Variants in SFXN5 observed in about 807,000 individuals in gnomAD.
SFXN5 encodes the protein sideroflexin-5.
In SFXN5, 43 loss-of-function variants were observed where a neutral mutation model predicts 50.2. The ratio of observed to expected loss-of-function variants is 0.86; its 90% CI spans 0.67 to 1.11. The LOEUF (loss-of-function observed/expected upper bound fraction) is 1.11. SFXN5 is among the 50% of genes least tolerant of loss of function. The pLI, the probability that SFXN5 is intolerant of heterozygous loss-of-function variation, is 0.00. For synonymous variants in SFXN5, 203 were observed against 185.8 expected, an observed-to-expected ratio of 1.09 and a Z score of -0.75; for missense variants, 463 against 454.1, an observed-to-expected ratio of 1.02 and a Z score of -0.18.
chr2:72,978,678 G>T (rs562234413), intron 10 of SFXN5, among the ~76,000 whole-genome samples: 1 of 152,176 alleles, frequency 6.6e-6, no homozygotes, highest in Non-Finnish European at 1.5e-5. Context: ...GTAAATGCCC[G>T]TATGCCCACC....
intron 10 of SFXN5, among the ~76,000 whole-genome samples, chr2:72,985,790 A>G (rs1332062917): frequency 1.3e-5 from 2 of 152,140 alleles, no homozygotes; most frequent in African/African-American, 4.8e-5. Flanking sequence ...CTCATTCCCA[A>G]AAAGAAGAGG....
At chr2:73,068,203 G>C (rs996551617) in intron 1 of SFXN5, among the ~76,000 whole-genome samples, 6 of 152,234 alleles carry the variant, frequency 3.9e-5, no homozygotes, top group African/African-American at 1.4e-4. Context: ...AAAGCGGTGA[G>C]ATTAATTGGG....
chr2:72,988,642 TAC>T (rs956446402), intron 9 of SFXN5, among the ~76,000 whole-genome samples: 3 of 151,904 alleles, frequency 2.0e-5, no homozygotes, highest in Admixed American at 1.3e-4. Context: ...TACACACTCA[TAC>T]ACACACACTG....
intron 3 of SFXN5, among the ~76,000 whole-genome samples, chr2:73,026,992 G>A (rs552830019): frequency 4.5e-4 from 68 of 152,260 alleles, no homozygotes; most frequent in African/African-American, 1.5e-3. Flanking sequence ...CTCCCAAAAT[G>A]CTGGGATTAC....
At chr2:73,061,565 A>C (rs1180060766) in intron 1 of SFXN5, among the ~76,000 whole-genome samples, 1 of 152,186 alleles carries the variant, frequency 6.6e-6, no homozygotes, top group African/African-American at 2.4e-5. Context: ...AAATTGGTAG[A>C]TCTAGGCAAA....
chr2:72,965,236 C>G (rs1347940146), intron 12 of SFXN5, among the ~76,000 whole-genome samples: 5 of 152,170 alleles, frequency 3.3e-5, no homozygotes, highest in South Asian at 2.1e-4. Context: ...AGGCCACCCA[C>G]GGGCAGAATG....
At chr2:73,066,843 AAAAAGAAAAG>A (rs139159939) in intron 1 of SFXN5, among the ~76,000 whole-genome samples, 9,135 of 152,164 alleles carry the variant, frequency 0.06, 325 homozygotes, top group East Asian at 0.14. Flanking sequence ...CTCTACAAAA[AAAAAGAAAAG>A]AAAAGAAAAA....
chr2:73,071,510 T>G (rs1174336434), intron 1 of SFXN5, 94 bp downstream of exon 1: 1 of 1,176,122 alleles, frequency 8.5e-7, no homozygotes. Flanking sequence ...TGGCCGCGGG[T>G]GGGAGACCCT....
chr2:73,017,121 C>T (rs943300277), intron 6 of SFXN5, among the ~76,000 whole-genome samples: 18 of 152,186 alleles, frequency 1.2e-4, no homozygotes, highest in African/African-American at 3.6e-4. Context: ...ATTGAACCAT[C>T]GTACGTCAGA....
At chr2:73,032,165 T>A (rs1678388421) in intron 3 of SFXN5, among the ~76,000 whole-genome samples, 1 of 152,166 alleles carries the variant, frequency 6.6e-6, no homozygotes, top group African/African-American at 2.4e-5. Flanking sequence ...GGGAGGATCA[T>A]CCTAGGGTGT....
chr2:72,979,594 A>G (rs958101650), intron 10 of SFXN5, among the ~76,000 whole-genome samples: 1 of 152,200 alleles, frequency 6.6e-6, no homozygotes, highest in African/African-American at 2.4e-5. Flanking sequence ...AGATCATGCC[A>G]CTGCACTCCA....
chr2:72,994,543 G>A (rs1378240602), intron 9 of SFXN5, among the ~76,000 whole-genome samples: 1 of 152,120 alleles, frequency 6.6e-6, no homozygotes, highest in African/African-American at 2.4e-5. Flanking sequence ...AGGGTGTGAG[G>A]AATGGGCGTG....
chr2:73,052,359 CGTGTGTGTGTGT>C (rs59839344), intron 2 of SFXN5, among the ~76,000 whole-genome samples: 23 of 142,348 alleles, frequency 1.6e-4, no homozygotes, highest in East Asian at 8.1e-4. Flanking sequence ...TGTGTGTATG[CGTGTGTGTGTGT>C]GTGTGTGTGT....
intron 1 of SFXN5, chr2:73,070,943 G>A (rs935499469): frequency 5.2e-5 from 8 of 152,382 alleles, no homozygotes; most frequent in African/African-American, 1.9e-4. Context: ...CGCACGCCCT[G>A]GCTGCGTCCC....
intron 2 of SFXN5, among the ~76,000 whole-genome samples, chr2:73,046,612 G>A (rs1574221338): frequency 6.6e-6 from 1 of 152,042 alleles, no homozygotes; most frequent in East Asian, 1.9e-4. Flanking sequence ...GGGAGGCTAA[G>A]GCTGCAGTGA....
intron 13 of SFXN5, among the ~76,000 whole-genome samples, chr2:72,951,610 G>A (rs1008089017): frequency 3.3e-5 from 5 of 151,594 alleles, no homozygotes; most frequent in Non-Finnish European, 7.4e-5. Flanking sequence ...CAGGAAACTG[G>A]ATCCCCTGCC....
chr2:72,984,312 G>A (rs1671643231), intron 10 of SFXN5, among the ~76,000 whole-genome samples: 1 of 152,230 alleles, frequency 6.6e-6, no homozygotes, highest in African/African-American at 2.4e-5. Context: ...CACATACTCA[G>A]CACATGTGCC....
rs1438768678 is a variant in SFXN5, at chr2:73,010,127, T to C, written c.358-8549A>G. ...TATAAAAGTTATTATGGCATTCTTG[T>C]TTGCCTATCACCATTCTTCCCTTCT... On this transcript the variant is annotated intron_variant, in intron 6 of 13. Transcript: ENST00000272433. Among the ~76,000 whole-genome samples the C allele has an allele frequency of 2.6e-5, 4 of 152,246 alleles. No individual in the cohort carries two copies. In the East Asian group the frequency reaches 7.7e-4, roughly 29 times the overall value.
chr2:73,017,800 A>G (rs1261181887), intron 6 of SFXN5, among the ~76,000 whole-genome samples: 1 of 152,198 alleles, frequency 6.6e-6, no homozygotes, highest in Non-Finnish European at 1.5e-5. Flanking sequence ...ACCTAGAAGC[A>G]ATGCCACTCC....
Sources: gnomAD v4.1 joint callset for allele counts (sites outside exome capture counted in the v4.1 genomes callset) on GRCh38, gnomAD v4.1.1 for gene constraint, MANE v1.5 for transcripts, NCBI Gene and HGNC (gene_info 2026-07-23, HGNC 2026-07-21) for gene names.